The following STK32B variants were observed in gnomAD, a reference collection of about 807,000 sequenced individuals.
STK32B encodes the protein serine/threonine-protein kinase 32B.
A neutral mutation model predicts 52.6 loss-of-function variants in STK32B; 43 were observed. The observed-to-expected ratio is 0.82, with a 90% CI of 0.64 to 1.05. The LOEUF (loss-of-function observed/expected upper bound fraction) is 1.05. Ranked by LOEUF, STK32B falls within the 50% of genes least tolerant of loss-of-function variation. STK32B has a pLI of 0.00. For synonymous variants in STK32B, 238 were observed against 204.3 expected, an observed-to-expected ratio of 1.17 and a Z score of -1.41; for missense variants, 621 against 534.6, an observed-to-expected ratio of 1.16 and a Z score of -1.59.
At chr4:5,337,995 A>G (rs540132562) in intron 4 of STK32B, among the ~76,000 whole-genome samples, 2 of 152,192 alleles carry the variant, frequency 1.3e-5, no homozygotes, top group Non-Finnish European at 2.9e-5. Context: ...CTGGAGTTTG[A>G]AAGTGAAGGA....
intron 2 of STK32B, among the ~76,000 whole-genome samples, chr4:5,165,974 G>T (rs528171558): frequency 9.9e-4 from 150 of 152,280 alleles, no homozygotes; most frequent in South Asian, 9.1e-3. Flanking sequence ...CAGTGGTGCC[G>T]GGTGGGTTTT....
chr4:5,105,024 G>A (rs1714024145), intron 1 of STK32B, among the ~76,000 whole-genome samples: 1 of 152,214 alleles, frequency 6.6e-6, no homozygotes. Context: ...TAAAGCAGTT[G>A]CAGGAATTTA....
intron 4 of STK32B, among the ~76,000 whole-genome samples, chr4:5,357,088 T>TAC (rs33916543): frequency 0.017 from 2,461 of 148,782 alleles, 38 homozygotes; most frequent in South Asian, 0.026. Flanking sequence ...CACACACGTA[T>TAC]ACACACACAC....
chr4:5,239,395 C>T (rs1724851926), intron 3 of STK32B, among the ~76,000 whole-genome samples: 1 of 152,026 alleles, frequency 6.6e-6, no homozygotes, highest in African/African-American at 2.4e-5. Context: ...ACCGTCTGTC[C>T]AGGTGATTTG....
At position 5,227,421 on chromosome 4, in the gene STK32B, T is replaced by C. The variant is rs532794635; in HGVS notation, c.260+58971T>C. On this transcript the variant is annotated intron_variant, in intron 3 of 11. Coordinates refer to ENST00000282908, the MANE Select transcript of STK32B (RefSeq NM_018401.3). ...ATTGGCATATTCCATTATAAGATTTTTAAAATTTAATTTATTAATACCACC... is the reference window on the plus strand; with the variant it reads ...ATTGGCATATTCCATTATAAGATTTCTAAAATTTAATTTATTAATACCACC... 1.3e-3 allele frequency among the ~76,000 whole-genome samples: 199 copies of C among 152,350 alleles called. 1 individual carries two copies. In the Middle Eastern group the frequency reaches 0.014, roughly 10 times the overall value.
At chr4:5,446,268 A>G (rs1235292972) in intron 6 of STK32B, among the ~76,000 whole-genome samples, 3 of 152,238 alleles carry the variant, frequency 2.0e-5, no homozygotes, top group African/African-American at 7.2e-5. Context: ...TTACTGTCCA[A>G]GAAAGCTAGA....
chr4:5,325,580 T>C (rs143274962), intron 3 of STK32B, among the ~76,000 whole-genome samples: 1 of 152,322 alleles, frequency 6.6e-6, no homozygotes, highest in East Asian at 1.9e-4. Context: ...CCTGAATCCT[T>C]TCTGGAACAA....
At chr4:5,474,012 G>A (rs1718039427) in intron 11 of STK32B, among the ~76,000 whole-genome samples, 1 of 152,106 alleles carries the variant, frequency 6.6e-6, no homozygotes, top group African/African-American at 2.4e-5. Flanking sequence ...TACTTGGGAG[G>A]CTAAGTCAGG....
chr4:5,397,130 A>G (rs988122612), intron 4 of STK32B, among the ~76,000 whole-genome samples: 25 of 152,258 alleles, frequency 1.6e-4, no homozygotes, highest in African/African-American at 5.3e-4. Context: ...GGTAGAATTA[A>G]TATTTGATAA....
intron 1 of STK32B, among the ~76,000 whole-genome samples, chr4:5,071,898 T>C (rs981525543): frequency 6.6e-6 from 1 of 152,132 alleles, no homozygotes; most frequent in Admixed American, 6.6e-5. Context: ...AAACTATAAT[T>C]GAGAAACATT....
chr4:5,437,773 C>T (rs868491903), intron 6 of STK32B: 19 of 291,548 alleles, frequency 6.5e-5, no homozygotes, highest in Non-Finnish European at 8.2e-5. Context: ...TGACAAATCA[C>T]GGTTGCTATT....
chr4:5,160,945 C>CTGA (rs1026863368), intron 2 of STK32B, among the ~76,000 whole-genome samples: 2 of 152,146 alleles, frequency 1.3e-5, no homozygotes, highest in African/African-American at 4.8e-5. Flanking sequence ...CTGTGGATGC[C>CTGA]TGAGAACAGC....
chr4:5,217,687 C>T (rs767701783), intron 3 of STK32B, among the ~76,000 whole-genome samples: 1 of 152,140 alleles, frequency 6.6e-6, no homozygotes, highest in Non-Finnish European at 1.5e-5. Flanking sequence ...TAAGATCTCA[C>T]CAACAGTGGG....
At chr4:5,407,988 C>T (rs545994471) in intron 5 of STK32B, among the ~76,000 whole-genome samples, 1 of 152,280 alleles carries the variant, frequency 6.6e-6, no homozygotes, top group South Asian at 2.1e-4. Flanking sequence ...TGTGAGAACA[C>T]AGCAAGAAGT....
chr4:5,189,641 C>T (rs11724425), intron 3 of STK32B, among the ~76,000 whole-genome samples: 14,836 of 152,142 alleles, frequency 0.098, 870 homozygotes, highest in Non-Finnish European at 0.12. Context: ...TTTCTGCAGA[C>T]GTACATTTTC....
intron 1 of STK32B, among the ~76,000 whole-genome samples, chr4:5,055,896 A>G (rs989801041): frequency 2.5e-4 from 38 of 151,642 alleles, no homozygotes; most frequent in African/African-American, 8.2e-4. Flanking sequence ...ATCACCATCT[A>G]TCATAATATT....
intron 11 of STK32B, among the ~76,000 whole-genome samples, chr4:5,483,196 G>T (rs1199515243): frequency 6.6e-6 from 1 of 151,500 alleles, no homozygotes; most frequent in African/African-American, 2.4e-5. Flanking sequence ...GGTAGAATTT[G>T]GCTGTGAATC....
the STK32B span, among the ~76,000 whole-genome samples, chr4:5,036,272 A>G: frequency 6.6e-6 from 1 of 152,166 alleles, no homozygotes; most frequent in African/African-American, 2.4e-5. Flanking sequence ...CCCACTGAGT[A>G]CCCAGCACTG....
chr4:5,481,516 T>A (rs1208946944), intron 11 of STK32B, among the ~76,000 whole-genome samples: 1 of 152,238 alleles, frequency 6.6e-6, no homozygotes, highest in Non-Finnish European at 1.5e-5. Flanking sequence ...TGCAAAAATT[T>A]TCTCCCATTC....
Sources: gnomAD v4.1 joint callset for allele counts (sites outside exome capture counted in the v4.1 genomes callset) on GRCh38, gnomAD v4.1.1 for gene constraint, MANE v1.5 for transcripts, NCBI Gene and HGNC (gene_info 2026-07-23, HGNC 2026-07-21) for gene names.